Variants in MEGF11 observed in about 807,000 individuals in gnomAD.
MEGF11 encodes the protein multiple EGF like domains 11, also known as multiple epidermal growth factor-like domains protein 11.
A neutral mutation model predicts 146.6 loss-of-function variants in MEGF11; 126 were observed. The ratio of observed to expected loss-of-function variants is 0.86; its 90% CI spans 0.74 to 1.00. MEGF11 has a LOEUF of 1.00. MEGF11 is among the 50% of genes least tolerant of loss of function. The pLI is 0.00. For synonymous variants in MEGF11, 532 were observed against 583.4 expected (o/e 0.91, Z 1.27); for missense variants, 1,509 against 1,521.2 (o/e 0.99, Z 0.13).
chr15:65,965,884 T>A (rs2081077251), intron 8 of MEGF11, among the ~76,000 whole-genome samples: 1 of 152,168 alleles, frequency 6.6e-6, no homozygotes, highest in Non-Finnish European at 1.5e-5. Context: ...TCAGTGGCAT[T>A]AAGCACATTC....
chr15:65,943,914 G>A (rs28469255), intron 10 of MEGF11, among the ~76,000 whole-genome samples: 2,933 of 152,276 alleles, frequency 0.019, 104 homozygotes, highest in African/African-American at 0.067. Context: ...TGGACTTGGG[G>A]CAGTGGCCTG....
At chr15:66,005,815 C>G (rs1346859585) in intron 5 of MEGF11, among the ~76,000 whole-genome samples, 1 of 152,196 alleles carries the variant, frequency 6.6e-6, no homozygotes, top group Non-Finnish European at 1.5e-5. Context: ...AGTGTCAGAA[C>G]CCACACTCTA....
At chr15:66,190,590 A>G (rs2090842195) in intron 1 of MEGF11, among the ~76,000 whole-genome samples, 1 of 152,120 alleles carries the variant, frequency 6.6e-6, no homozygotes, top group African/African-American at 2.4e-5. Flanking sequence ...GAGGGTTTGT[A>G]GGTGGCCAAG....
At chr15:65,947,636 G>T (rs908944278) in intron 10 of MEGF11, among the ~76,000 whole-genome samples, 1 of 152,206 alleles carries the variant, frequency 6.6e-6, no homozygotes, top group Non-Finnish European at 1.5e-5. Flanking sequence ...TTTCAGGGAG[G>T]CTTCTCTGAT....
At chr15:66,177,384 T>G (rs1165734266) in intron 1 of MEGF11, among the ~76,000 whole-genome samples, 1 of 152,174 alleles carries the variant, frequency 6.6e-6, no homozygotes, top group Non-Finnish European at 1.5e-5. Flanking sequence ...CCACTGAATT[T>G]TTTGTGTTTA....
At chr15:66,230,629 A>G (rs2091949653) in intron 1 of MEGF11, among the ~76,000 whole-genome samples, 2 of 152,358 alleles carry the variant, frequency 1.3e-5, no homozygotes, top group African/African-American at 4.8e-5. Context: ...ACTTTCATAG[A>G]CTTAATTTCA....
chr15:66,061,486 G>A (rs554610174), intron 5 of MEGF11, among the ~76,000 whole-genome samples: 2 of 152,192 alleles, frequency 1.3e-5, no homozygotes, highest in Non-Finnish European at 2.9e-5. Flanking sequence ...GAGGAGGCAA[G>A]AGGAGGCCCC....
chr15:66,071,381 G>A (rs2085359400), intron 5 of MEGF11, among the ~76,000 whole-genome samples: 1 of 152,230 alleles, frequency 6.6e-6, no homozygotes, highest in African/African-American at 2.4e-5. Flanking sequence ...AGGTGCATGG[G>A]AAGCCACTGT....
intron 1 of MEGF11, among the ~76,000 whole-genome samples, chr15:66,196,753 C>G (rs187722454): frequency 6.6e-6 from 1 of 152,242 alleles, no homozygotes; most frequent in East Asian, 1.9e-4. Context: ...TATCATGGCT[C>G]AAAGTGGTTT....
At chr15:66,088,913 G>A (rs1212120131) in intron 5 of MEGF11, among the ~76,000 whole-genome samples, 1 of 152,242 alleles carries the variant, frequency 6.6e-6, no homozygotes, top group East Asian at 1.9e-4. Flanking sequence ...GAAGATGGAT[G>A]ATGGTGATGT....
At chr15:66,202,077 C>T (rs2091175701) in intron 1 of MEGF11, among the ~76,000 whole-genome samples, 2 of 151,188 alleles carry the variant, frequency 1.3e-5, no homozygotes, top group African/African-American at 4.9e-5. Flanking sequence ...AGATGGGGGG[C>T]TGAAGCCATG....
At chr15:66,045,817 T>A (rs2084180394) in intron 5 of MEGF11, among the ~76,000 whole-genome samples, 1 of 152,140 alleles carries the variant, frequency 6.6e-6, no homozygotes, top group Non-Finnish European at 1.5e-5. Context: ...GATGACTGTA[T>A]CCTGGCTAGG....
At chr15:66,211,973 A>T (rs2091466520) in intron 1 of MEGF11, among the ~76,000 whole-genome samples, 1 of 124 alleles carries the variant, frequency 8.1e-3, no homozygotes, top group Non-Finnish European at 0.021. Context: ...CAAGACTCAA[A>T]GAGACCACCA....
intron 1 of MEGF11, among the ~76,000 whole-genome samples, chr15:66,176,223 G>A (rs1035306045): frequency 6.6e-6 from 1 of 152,190 alleles, no homozygotes; most frequent in Non-Finnish European, 1.5e-5. Flanking sequence ...TGTAAATGAT[G>A]ACAGCCATTA....
intron 1 of MEGF11, among the ~76,000 whole-genome samples, chr15:66,146,477 A>T (rs935459140): frequency 6.6e-6 from 1 of 152,238 alleles, no homozygotes; most frequent in African/African-American, 2.4e-5. Flanking sequence ...TTTGGATGGG[A>T]TGGCCTCATC....
At chr15:66,108,423 A>G (rs1038991096) in intron 4 of MEGF11, among the ~76,000 whole-genome samples, 1 of 152,192 alleles carries the variant, frequency 6.6e-6, no homozygotes, top group Non-Finnish European at 1.5e-5. Flanking sequence ...TCCATTGAGG[A>G]GACAGAAATT....
chr15:66,203,179 G>A (rs998982724), intron 1 of MEGF11, among the ~76,000 whole-genome samples: 3 of 152,202 alleles, frequency 2.0e-5, no homozygotes, highest in Non-Finnish European at 4.4e-5. Flanking sequence ...AGCTGCCTGA[G>A]CCTGCGCACT....
intron 13 of MEGF11, among the ~76,000 whole-genome samples, chr15:65,927,016 G>T (rs1251761428): frequency 2.0e-5 from 3 of 152,194 alleles, no homozygotes; most frequent in Non-Finnish European, 4.4e-5. Context: ...AACACAGGCT[G>T]TGCAGCAACC....
intron 5 of MEGF11, among the ~76,000 whole-genome samples, chr15:65,983,354 G>GC (rs1364660830): frequency 1.3e-5 from 2 of 152,186 alleles, no homozygotes; most frequent in Non-Finnish European, 2.9e-5. Flanking sequence ...GAGTAGCAGA[G>GC]CCCCAGAGAG....
Sources: gnomAD v4.1 joint callset for allele counts (sites outside exome capture counted in the v4.1 genomes callset) on GRCh38, gnomAD v4.1.1 for gene constraint, MANE v1.5 for transcripts, NCBI Gene and HGNC (gene_info 2026-07-23, HGNC 2026-07-21) for gene names.